CTNNA3: variants seen among roughly 807,000 people sequenced by gnomAD.
CTNNA3 encodes catenin alpha-3.
CTNNA3 carries 76 observed loss-of-function variants against 95.7 expected under a neutral mutation model. The ratio of observed to expected loss-of-function variants is 0.79; its 90% CI spans 0.66 to 0.96. The LOEUF (loss-of-function observed/expected upper bound fraction) is 0.96. Among genes scored for constraint, CTNNA3 ranks in the 40% least tolerant of loss-of-function variants. CTNNA3 has a pLI of 0.00. For synonymous variants in CTNNA3, 431 were observed against 374.4 expected (o/e 1.15, Z -1.74); for missense variants, 1,191 against 1,089.8 (o/e 1.09, Z -1.31).
Position 66,628,479 on chromosome 10 carries a change from T to TC in CTNNA3, c.1282-6696_1282-6695insG, listed in dbSNP as rs1845017786. On this transcript the variant is annotated intron_variant, in intron 9 of 17. Transcript: ENST00000433211. ...GAGTGGATTTCAGTCTGACTGTGTATATTCATTGGAAACATCAAGATTAGA... is the reference window on the plus strand; with the variant it reads ...GAGTGGATTTCAGTCTGACTGTGTATCATTCATTGGAAACATCAAGATTAGA... Among the ~76,000 whole-genome samples the TC allele has an allele frequency of 2.6e-5, 4 of 152,180 alleles. No homozygotes were observed. In the South Asian group the frequency reaches 8.3e-4, roughly 31 times the overall value.
intron 14 of CTNNA3, among the ~76,000 whole-genome samples, chr10:66,085,462 A>G (rs1015655954): frequency 2.6e-5 from 4 of 152,126 alleles, no homozygotes; most frequent in African/African-American, 9.7e-5. Context: ...TTGTCTGTAT[A>G]ATAAGTTAAT....
intron 11 of CTNNA3, among the ~76,000 whole-genome samples, chr10:66,513,873 G>A (rs1840747588): frequency 6.6e-6 from 1 of 152,158 alleles, no homozygotes; most frequent in Non-Finnish European, 1.5e-5. Flanking sequence ...TTAGGTCTCT[G>A]TGTGGGCTCA....
intron 1 of CTNNA3, among the ~76,000 whole-genome samples, chr10:67,728,606 G>A (rs1038277572): frequency 1.3e-5 from 2 of 151,620 alleles, no homozygotes; most frequent in Non-Finnish European, 2.9e-5. Flanking sequence ...ACCCCACTGT[G>A]AGAACCACTG....
chr10:66,896,891 C>T (rs1408425334), intron 7 of CTNNA3, among the ~76,000 whole-genome samples: 1 of 152,202 alleles, frequency 6.6e-6, no homozygotes, highest in East Asian at 1.9e-4. Context: ...TGTTGCGCTC[C>T]TGCAGTAGCA....
chr10:67,565,633 G>C (rs1478059850), intron 3 of CTNNA3, among the ~76,000 whole-genome samples: 1 of 144,190 alleles, frequency 6.9e-6, no homozygotes, highest in East Asian at 2.0e-4. Context: ...GAACAGAATA[G>C]CTATTATTTT....
intron 6 of CTNNA3, among the ~76,000 whole-genome samples, chr10:67,198,927 T>C (rs1181218865): frequency 6.6e-6 from 1 of 152,110 alleles, no homozygotes; most frequent in Non-Finnish European, 1.5e-5. Flanking sequence ...TTTATCAATA[T>C]GATTTACATT....
At chr10:67,354,243 C>A (rs1198256039) in intron 5 of CTNNA3, among the ~76,000 whole-genome samples, 1 of 152,018 alleles carries the variant, frequency 6.6e-6, no homozygotes, top group Non-Finnish European at 1.5e-5. Flanking sequence ...AATTGACCAA[C>A]TGCCTGTGTA....
chr10:67,754,919 T>C (rs887111777), intron 1 of CTNNA3, among the ~76,000 whole-genome samples: 2 of 152,118 alleles, frequency 1.3e-5, no homozygotes, highest in African/African-American at 4.8e-5. Flanking sequence ...CATACATGGC[T>C]GGACATGGTG....
At chr10:67,220,126 GT>G (rs1192952400) in intron 5 of CTNNA3, among the ~76,000 whole-genome samples, 1 of 152,164 alleles carries the variant, frequency 6.6e-6, no homozygotes, top group Non-Finnish European at 1.5e-5. Context: ...TTACTATTCA[GT>G]CAAGTCCTTG....
At chr10:66,220,961 T>C (rs1285952372) in intron 13 of CTNNA3, among the ~76,000 whole-genome samples, 1 of 152,206 alleles carries the variant, frequency 6.6e-6, no homozygotes, top group East Asian at 1.9e-4. Context: ...GTTCTCACTT[T>C]GGGCCGTGGG....
chr10:66,493,929 A>G (rs1438557270), intron 11 of CTNNA3, among the ~76,000 whole-genome samples: 2 of 102,018 alleles, frequency 2.0e-5, no homozygotes, highest in Non-Finnish European at 3.7e-5. Flanking sequence ...TTTTTTTGAG[A>G]CTGAGTCTTG....
intron 7 of CTNNA3, among the ~76,000 whole-genome samples, chr10:66,933,336 C>A (rs181040313): frequency 6.6e-6 from 1 of 152,116 alleles, no homozygotes; most frequent in Non-Finnish European, 1.5e-5. Context: ...ATAAAGACAC[C>A]GACCAGCGAA....
intron 16 of CTNNA3, among the ~76,000 whole-genome samples, chr10:65,974,661 A>AT (rs2078176404): frequency 6.6e-6 from 1 of 152,112 alleles, no homozygotes; most frequent in African/African-American, 2.4e-5. Flanking sequence ...TACCTGGGTG[A>AT]TTGCATCAAT....
intron 11 of CTNNA3, among the ~76,000 whole-genome samples, chr10:66,469,902 G>A (rs1377081291): frequency 6.6e-6 from 1 of 151,604 alleles, no homozygotes; most frequent in Non-Finnish European, 1.5e-5. Flanking sequence ...GGAAATGAGG[G>A]TAGTATCTTT....
chr10:67,521,989 T>A (rs745555896), intron 4 of CTNNA3, 28 bp from the exon 5 acceptor site: 2 of 1,597,138 alleles, frequency 1.3e-6, no homozygotes, highest in Non-Finnish European at 1.7e-6. Flanking sequence ...AGTAGATCAT[T>A]AGGATAGCAG....
intron 7 of CTNNA3, among the ~76,000 whole-genome samples, chr10:66,829,538 G>A (rs540700904): frequency 1.4e-4 from 21 of 151,822 alleles, no homozygotes; most frequent in African/African-American, 3.9e-4. Flanking sequence ...GCTTAAACCC[G>A]GGAGGCAGAG....
chr10:66,265,335 T>A (rs2091120739), intron 13 of CTNNA3, among the ~76,000 whole-genome samples: 1 of 151,976 alleles, frequency 6.6e-6, no homozygotes, highest in African/African-American at 2.4e-5. Flanking sequence ...TCACACTAAG[T>A]CTTAGTGGTA....
At chr10:67,713,953 T>TA (rs113131998) in intron 1 of CTNNA3, among the ~76,000 whole-genome samples, 147 of 144,012 alleles carry the variant, frequency 1.0e-3, no homozygotes, top group East Asian at 6.2e-3. Context: ...AAAGTAAAAT[T>TA]AAAAAAAAAA....
At chr10:67,577,202 C>T (rs1842191494) in intron 3 of CTNNA3, among the ~76,000 whole-genome samples, 1 of 151,784 alleles carries the variant, frequency 6.6e-6, no homozygotes, top group Admixed American at 6.6e-5. Context: ...TCTCCACATC[C>T]TCTCCAGCAC....
Sources: allele counts gnomAD v4.1 joint callset (sites outside exome capture counted in the v4.1 genomes callset), GRCh38; gene constraint gnomAD v4.1.1; transcripts MANE v1.5; gene names NCBI Gene and HGNC (gene_info 2026-07-23, HGNC 2026-07-21).